WWOX: variants seen among roughly 807,000 people sequenced by gnomAD.
WWOX encodes the protein WW domain-containing oxidoreductase.
Under a neutral mutation model 46.2 loss-of-function variants are expected in WWOX, and 69 were observed. The observed-to-expected ratio is 1.49, with a 90% CI of 1.23 to 1.82. WWOX has a LOEUF of 1.82. WWOX is among the 40% of genes most tolerant of loss of function. WWOX has a pLI of 0.00. For synonymous variants in WWOX, 359 were observed against 202.6 expected (o/e 1.77, Z -6.56); for missense variants, 919 against 542.6 (o/e 1.69, Z -6.89).
chr16:78,913,818 G>T (rs2045175180), intron 8 of WWOX, among the ~76,000 whole-genome samples: 1 of 151,808 alleles, frequency 6.6e-6, no homozygotes, highest in Admixed American at 6.6e-5. Context: ...GCACCACAAT[G>T]CCCAGCTAAC....
chr16:78,856,111 G>T (rs1300327029), intron 8 of WWOX, among the ~76,000 whole-genome samples: 2 of 152,196 alleles, frequency 1.3e-5, no homozygotes, highest in Non-Finnish European at 1.5e-5. Context: ...CTGGCAGAGG[G>T]ATCAGCATAG....
At chr16:78,537,856 G>A (rs1461435824) in intron 8 of WWOX, among the ~76,000 whole-genome samples, 3 of 152,142 alleles carry the variant, frequency 2.0e-5, no homozygotes, top group African/African-American at 7.2e-5. Flanking sequence ...CCCGGCAGTG[G>A]AAAAGCCTCT....
intron 5 of WWOX, among the ~76,000 whole-genome samples, chr16:78,340,458 C>T (rs547282572): frequency 8.3e-6 from 1 of 121,172 alleles, no homozygotes; most frequent in South Asian, 2.5e-4. Context: ...ATCTGCCCAT[C>T]TCAGCCTCCC....
At chr16:78,480,633 T>A (rs548513706) in intron 8 of WWOX, among the ~76,000 whole-genome samples, 1 of 152,342 alleles carries the variant, frequency 6.6e-6, no homozygotes, top group South Asian at 2.1e-4. Context: ...TTTAAAAATG[T>A]TATTTTTTAC....
chr16:78,675,425 A>G (rs2047572339), intron 8 of WWOX, among the ~76,000 whole-genome samples: 1 of 152,232 alleles, frequency 6.6e-6, no homozygotes, highest in South Asian at 2.1e-4. Flanking sequence ...TTAAATATTT[A>G]ATCTAATTTA....
At chr16:78,959,873 G>C (rs910933481) in intron 8 of WWOX, among the ~76,000 whole-genome samples, 1 of 152,330 alleles carries the variant, frequency 6.6e-6, no homozygotes, top group Non-Finnish European at 1.5e-5. Flanking sequence ...TGGAGAGTCT[G>C]ATTTAATTGG....
intron 8 of WWOX, among the ~76,000 whole-genome samples, chr16:78,840,953 G>A (rs1240387506): frequency 6.6e-6 from 1 of 152,066 alleles, no homozygotes. Context: ...GGGCATTTTG[G>A]AAATTTGGAA....
At position 78,718,883 on chromosome 16, in the gene WWOX, G is replaced by T. The variant is rs539327165; in HGVS notation, c.1056+286131G>T. Among the ~76,000 whole-genome samples the T allele has an allele frequency of 3.9e-5, 6 of 152,226 alleles. No homozygotes were observed. The South Asian group carries it at 1.2e-3, about 32-fold the overall frequency. The stretch of plus-strand genomic sequence containing the variant: ...ACTGAGGAGGTAAAGGTGAAGAATT[G>T]GGGAGGGGTGGATGGGGCTGACTCA... On this transcript the variant is annotated intron_variant, in intron 8 of 8. Coordinates refer to ENST00000566780, the MANE Select transcript of WWOX (RefSeq NM_016373.4).
chr16:78,630,693 TA>T (rs1233120361), intron 8 of WWOX, among the ~76,000 whole-genome samples: 2 of 152,228 alleles, frequency 1.3e-5, no homozygotes, highest in Non-Finnish European at 2.9e-5. Flanking sequence ...TTTGCTGTGA[TA>T]AATCTCAGCC....
At chr16:78,812,158 A>G (rs566776927) in intron 8 of WWOX, among the ~76,000 whole-genome samples, 2 of 152,108 alleles carry the variant, frequency 1.3e-5, no homozygotes, top group Non-Finnish European at 2.9e-5. Flanking sequence ...ATGGCAATGC[A>G]TAGGAACTAG....
At chr16:78,735,398 C>G (rs928558541) in intron 8 of WWOX, among the ~76,000 whole-genome samples, 1 of 144,846 alleles carries the variant, frequency 6.9e-6, no homozygotes. Flanking sequence ...CACACAAACA[C>G]ACACACACAC....
intron 5 of WWOX, among the ~76,000 whole-genome samples, chr16:78,336,339 A>G (rs2080886936): frequency 6.7e-6 from 1 of 150,062 alleles, no homozygotes; most frequent in African/African-American, 2.5e-5. Context: ...CCAAAAAAAA[A>G]AAAAAAAACC....
intron 8 of WWOX, among the ~76,000 whole-genome samples, chr16:78,631,112 T>C (rs1437191521): frequency 6.6e-6 from 1 of 152,164 alleles, no homozygotes; most frequent in Non-Finnish European, 1.5e-5. Flanking sequence ...TATATGCAAA[T>C]ACTATACAAT....
intron 8 of WWOX, among the ~76,000 whole-genome samples, chr16:78,861,620 A>C (rs954068453): frequency 9.9e-5 from 15 of 152,190 alleles, no homozygotes; most frequent in African/African-American, 3.4e-4. Flanking sequence ...CATCACACCC[A>C]AAAACATCAC....
chr16:78,128,400 G>C (rs2033448657), intron 4 of WWOX, among the ~76,000 whole-genome samples: 1 of 152,198 alleles, frequency 6.6e-6, no homozygotes, highest in Non-Finnish European at 1.5e-5. Context: ...GATTCAATAA[G>C]AAGGGAACCT....
At chr16:78,719,538 C>A (rs189767904) in intron 8 of WWOX, among the ~76,000 whole-genome samples, 1 of 152,166 alleles carries the variant, frequency 6.6e-6, no homozygotes, top group East Asian at 1.9e-4. Flanking sequence ...ACAAGTGTGT[C>A]GTTAATTAAG....
intron 8 of WWOX, among the ~76,000 whole-genome samples, chr16:78,791,728 A>C (rs961709644): frequency 2.6e-5 from 4 of 152,056 alleles, no homozygotes; most frequent in African/African-American, 4.8e-5. Flanking sequence ...AAATGCAAAA[A>C]ATTAGCTGGG....
chr16:78,123,502 G>C (rs2033223118), intron 4 of WWOX: 1 of 121,736 alleles, frequency 8.2e-6, no homozygotes, highest in African/African-American at 3.0e-5. Context: ...CTGTTGCCCA[G>C]GCTGGAGTGC....
At chr16:78,652,408 C>CAAAAAAAAAAAAAAAA (rs747993811) in intron 8 of WWOX, among the ~76,000 whole-genome samples, 3 of 107,494 alleles carry the variant, frequency 2.8e-5, no homozygotes, top group African/African-American at 4.7e-5. Flanking sequence ...GACTCCGTCT[C>CAAAAAAAAAAAAAAAA]AAAAAAAAAA....
Sources: allele counts gnomAD v4.1 joint callset (sites outside exome capture counted in the v4.1 genomes callset), GRCh38; gene constraint gnomAD v4.1.1; transcripts MANE v1.5; gene names NCBI Gene and HGNC (gene_info 2026-07-23, HGNC 2026-07-21).